Variants in NEK4 observed in about 807,000 individuals in gnomAD.
NEK4 encodes the protein serine/threonine-protein kinase Nek4.
In NEK4, 86 loss-of-function variants were observed where a neutral mutation model predicts 98.4. That is an observed-to-expected ratio of 0.87 (90% confidence interval 0.73 to 1.05). The LOEUF (loss-of-function observed/expected upper bound fraction) is 1.05, where lower values mean the gene tolerates loss of function less well. NEK4 is among the 50% of genes least tolerant of loss of function. The pLI, the probability that NEK4 is intolerant of heterozygous loss-of-function variation, is 0.00. For synonymous variants in NEK4, 328 were observed against 342.2 expected (o/e 0.96, Z 0.46); for missense variants, 898 against 950.3 (o/e 0.94, Z 0.72).
intron 15 of NEK4, among the ~76,000 whole-genome samples, chr3:52,730,086 G>A (rs1255025840): frequency 6.6e-6 from 1 of 152,186 alleles, no homozygotes; most frequent in South Asian, 2.1e-4. Context: ...CTAGCTTGGT[G>A]ACAGAGCGAG....
At chr3:52,726,190 G>A (rs1286936048) in intron 15 of NEK4, among the ~76,000 whole-genome samples, 2 of 152,146 alleles carry the variant, frequency 1.3e-5, no homozygotes, top group African/African-American at 4.8e-5. Context: ...TACAAATGAG[G>A]ATATTGATGG....
At chr3:52,723,057 T>C (rs2097361483) in intron 15 of NEK4, among the ~76,000 whole-genome samples, 1 of 151,794 alleles carries the variant, frequency 6.6e-6, no homozygotes, top group Non-Finnish European at 1.5e-5. Flanking sequence ...ATTTTAAAAT[T>C]AGCTAAGTAT....
chr3:52,712,039 T>G (rs562678906), intron 15 of NEK4, among the ~76,000 whole-genome samples, 170 bp from the exon 16 acceptor site: 42 of 152,292 alleles, frequency 2.8e-4, no homozygotes, highest in Middle Eastern at 3.4e-3. Context: ...TTTCGAAAAG[T>G]CGTAAGAAAT....
intron 15 of NEK4, among the ~76,000 whole-genome samples, chr3:52,723,764 G>T (rs917951216): frequency 1.3e-5 from 2 of 150,496 alleles, no homozygotes; most frequent in Non-Finnish European, 3.0e-5. Context: ...CCCAGAGAAA[G>T]AGGAGAGAGA....
intron 11 of NEK4, among the ~76,000 whole-genome samples, chr3:52,744,012 G>A (rs956183028): frequency 3.9e-5 from 6 of 152,140 alleles, no homozygotes; most frequent in Non-Finnish European, 4.4e-5. Context: ...AAGCCCTCTT[G>A]TTATTTCTTT....
intron 12 of NEK4, chr3:52,743,124 T>C: frequency 2.3e-6 from 1 of 435,568 alleles, no homozygotes; most frequent in Non-Finnish European, 4.2e-6. Flanking sequence ...ATATTTTTAA[T>C]TAGGCTATCA....
At chr3:52,760,446 A>G (rs1005867157) in intron 6 of NEK4, among the ~76,000 whole-genome samples, 15 of 152,212 alleles carry the variant, frequency 9.9e-5, no homozygotes, top group African/African-American at 3.6e-4. Flanking sequence ...TGAACTCCTG[A>G]CCTCAGGTGA....
In NEK4 at chr3:52,710,439, C is replaced by CAAAG. The variant is rs1000296187; in HGVS notation, c.*1334_*1337dup. The CAAAG allele has an allele frequency of 3.3e-5, 5 of 151,390 alleles. No individual in the cohort carries two copies. The highest frequency in any genetic ancestry group is 1.2e-4 in the African/African-American group (5 of 41,140). 9.4% of individuals were successfully genotyped at this position (151,390 alleles called of 1,614,324 possible). A position where few individuals can be genotyped will look rare whatever the true frequency, so the allele number is the denominator to read the frequency against. On this transcript the variant is annotated 3_prime_UTR_variant, in exon 16 of 16. Transcript: ENST00000233027. ...AGTATTTGTGTGTGTGTGTAATTTT[C>CAAAG]AAAGATAGATATATTTTTAGTTATA...
At chr3:52,752,500 TTTAAG>T (rs542209337) in intron 6 of NEK4, among the ~76,000 whole-genome samples, 164 bp from the exon 7 acceptor site, 204 of 152,242 alleles carry the variant, frequency 1.3e-3, no homozygotes, top group Non-Finnish European at 2.4e-3. Flanking sequence ...AAAGCAGGGA[TTTAAG>T]TTAAGTATTT....
intron 10 of NEK4, 147 bp downstream of exon 10, chr3:52,745,914 G>C (rs1028850689): frequency 9.9e-6 from 7 of 705,942 alleles, no homozygotes; most frequent in Non-Finnish European, 1.7e-5. Context: ...GTAGAGACAA[G>C]GTCTCACTAT....
intron 15 of NEK4, among the ~76,000 whole-genome samples, chr3:52,714,359 G>A (rs766179262): frequency 1.2e-4 from 18 of 152,256 alleles, no homozygotes; most frequent in Non-Finnish European, 2.4e-4. Context: ...ATCCGGAGCA[G>A]CCGCTACCAT....
At chr3:52,744,859 G>A (rs959484492) in intron 10 of NEK4, among the ~76,000 whole-genome samples, 3 of 151,970 alleles carry the variant, frequency 2.0e-5, no homozygotes, top group African/African-American at 7.2e-5. Context: ...TTTCTGGGAG[G>A]TGCTCATTTT....
intron 6 of NEK4, among the ~76,000 whole-genome samples, chr3:52,759,191 G>A (rs1203269818): frequency 4.0e-5 from 6 of 150,932 alleles, no homozygotes; most frequent in Non-Finnish European, 8.8e-5. Context: ...AGGACCTCCT[G>A]AGCCCAGGAG....
At position 52,710,337 on chromosome 3, in the gene NEK4, C is replaced by T; in HGVS notation, c.*1440G>A. On this transcript the variant is annotated 3_prime_UTR_variant, in exon 16 of 16. Coordinates refer to ENST00000233027, the MANE Select transcript of NEK4 (RefSeq NM_003157.6). ...CTGAGATTGGGCCACTGCACTTCAG[C>T]CTGGGTGACAGAGCAAGACTGTGTC... 1 of 149,744 alleles carries T rather than the reference C, an allele frequency of 6.7e-6. No homozygotes were observed. Among genetic ancestry groups the T allele is most frequent in the South Asian group, 2.1e-4 (1 of 4,722 alleles). The allele number at this position is 149,744 out of a possible 1,614,324, so 9.3% of individuals were successfully genotyped here. A position where few individuals can be genotyped will look rare whatever the true frequency, so the allele number is the denominator to read the frequency against.
intron 1 of NEK4, among the ~76,000 whole-genome samples, chr3:52,768,892 C>A (rs957201107): frequency 6.6e-6 from 1 of 152,148 alleles, no homozygotes; most frequent in South Asian, 2.1e-4. Flanking sequence ...AGATAACATA[C>A]CATTGGATCA....
chr3:52,727,194 G>A (rs768278370), intron 15 of NEK4, among the ~76,000 whole-genome samples: 19 of 151,906 alleles, frequency 1.3e-4, no homozygotes, highest in Middle Eastern at 3.2e-3. Flanking sequence ...GGCTGGTCTC[G>A]AATTCCTGAC....
chr3:52,742,545 G>C (rs1324118947), intron 12 of NEK4, among the ~76,000 whole-genome samples: 1 of 152,110 alleles, frequency 6.6e-6, no homozygotes, highest in Non-Finnish European at 1.5e-5. Context: ...AATTCCCAGA[G>C]TATTATACAG....
intron 15 of NEK4, among the ~76,000 whole-genome samples, chr3:52,715,240 G>A (rs1328084351): frequency 6.6e-6 from 1 of 152,262 alleles, no homozygotes; most frequent in African/African-American, 2.4e-5. Context: ...GGCTCAGCCA[G>A]AGCAGAACAG....
In NEK4 at chr3:52,752,097, G is replaced by A; in HGVS notation, c.1203C>T (p.Cys401=). 6.2e-7 allele frequency: 1 copy of A among 1,614,182 alleles called. No individual in the cohort carries two copies. Among genetic ancestry groups the A allele is most frequent in the East Asian group, 2.2e-5 (1 of 44,884 alleles). The change falls in exon 7 of 16, where the codon TGC becomes TGT. Residue 401 remains cysteine (C), a synonymous_variant. Transcript: ENST00000233027. ...LDASNELGGI[C]SISQVEEEML... is the part of the protein sequence containing the mutation. Reference sequence around the variant, plus strand: ...TCTCCTCTTCCACTTGAGAAATACTGCATATACCTCCTAACTCATTAGAGG... The same window carrying A: ...TCTCCTCTTCCACTTGAGAAATACTACATATACCTCCTAACTCATTAGAGG...
Sources: gnomAD v4.1 joint callset for allele counts (sites outside exome capture counted in the v4.1 genomes callset) on GRCh38, gnomAD v4.1.1 for gene constraint, MANE v1.5 for transcripts, NCBI Gene and HGNC (gene_info 2026-07-23, HGNC 2026-07-21) for gene names.